Variants in RYR2 observed in about 807,000 individuals in gnomAD.
RYR2 encodes the protein cardiac muscle ryanodine receptor-calcium release channel.
A neutral mutation model predicts 601.1 loss-of-function variants in RYR2; 227 were observed. The observed-to-expected ratio is 0.38, with a 90% confidence interval of 0.34 to 0.42. The LOEUF (loss-of-function observed/expected upper bound fraction) is 0.42, where lower values mean the gene tolerates loss of function less well. Among genes scored for constraint, RYR2 ranks in the 10% least tolerant of loss-of-function variants. RYR2 has a pLI of 1.00. For synonymous variants in RYR2, 2,223 were observed against 2,175.1 expected (o/e 1.02, Z -0.61); for missense variants, 4,646 against 6,156.5 (o/e 0.75, Z 8.21).
Position 237,358,488 on chromosome 1 carries a change from C to G in RYR2, c.294+2503C>G, listed in dbSNP as rs140877117. On this transcript the variant is annotated intron_variant, in intron 4 of 104. Coordinates refer to ENST00000366574, the MANE Select transcript of RYR2 (RefSeq NM_001035.3). ...CACTGGGCTTGCCAGGTTTCTAATG[C>G]TGACTTTCTCTGTGGGCGCTTGGCA... Among the ~76,000 whole-genome samples, 230 of 152,078 alleles carry G rather than the reference C, an allele frequency of 1.5e-3. 3 individuals are homozygous for G. The highest frequency in any genetic ancestry group is 5.3e-3 in the African/African-American group (219 of 41,492).
Position 237,651,434 on chromosome 1 carries a change from A to G in RYR2, c.7757A>G (p.Gln2586Arg). The G allele has an allele frequency of 6.3e-7, 1 of 1,596,712 alleles. No homozygotes were observed. The highest frequency in any genetic ancestry group is 8.5e-7 in the Non-Finnish European group (1 of 1,170,662). ...AGACAACTGAGACCTTCTATGATGC[A>G]GCACTTACTCAGAAGATTAGTATTT... is the stretch of plus-strand genomic sequence containing the variant. ...ICGQLRPSMM[Q>R]HLLRRLVFDV... Residue 2586 changes from glutamine to arginine, a missense_variant, in exon 51 of 105, where the codon CAG becomes CGG. This residue lies in a region of RYR2 where 1,497 missense variants were observed against 1,842.6 expected (regional missense o/e 0.81). Transcript: ENST00000366574.
intron 1 of RYR2, among the ~76,000 whole-genome samples, chr1:237,171,516 A>G (rs893142728): frequency 1.3e-5 from 2 of 152,162 alleles, no homozygotes; most frequent in African/African-American, 4.8e-5. Context: ...TCACTTCTGT[A>G]TACTCATTTC....
chr1:237,747,217 C>A, intron 80 of RYR2, among the ~76,000 whole-genome samples: 1 of 152,190 alleles, frequency 6.6e-6, no homozygotes, highest in East Asian at 1.9e-4. Context: ...AAATACTGGG[C>A]AAGCTGCATC....
In RYR2 at chr1:237,226,054, CA is replaced by C. The variant is rs59114136; in HGVS notation, c.49-44428del. 5.8e-3 allele frequency among the ~76,000 whole-genome samples: 669 copies of C among 116,342 alleles called. 4 individuals are homozygous for C. The highest frequency in any genetic ancestry group is 0.012 in the African/African-American group (389 of 32,250). 76.3% of individuals were successfully genotyped at this position (116,342 alleles called of 152,430 possible). Reference sequence around the variant, plus strand: ...TGGGTGACAGAATGAGACTCCATCTCAAAAAAAAAAAAAAATTAAAGGTGTC... The same window carrying C: ...TGGGTGACAGAATGAGACTCCATCTCAAAAAAAAAAAAAATTAAAGGTGTC... On this transcript the variant is annotated intron_variant, in intron 1 of 104. Coordinates refer to ENST00000366574, the MANE Select transcript of RYR2 (RefSeq NM_001035.3).
At chr1:237,246,792 A>G (rs1478077209) in intron 1 of RYR2, among the ~76,000 whole-genome samples, 1 of 151,912 alleles carries the variant, frequency 6.6e-6, no homozygotes, top group Non-Finnish European at 1.5e-5. Flanking sequence ...TTTGATTGGA[A>G]TTTTGCTCAG....
intron 1 of RYR2, among the ~76,000 whole-genome samples, chr1:237,051,275 C>T (rs1661237595): frequency 9.7e-6 from 1 of 102,660 alleles, no homozygotes; most frequent in Non-Finnish European, 2.0e-5. Flanking sequence ...CCTACCCTCT[C>T]CTCCCCTTCT....
At chr1:237,612,339 A>G (rs1271756079) in intron 36 of RYR2, among the ~76,000 whole-genome samples, 1 of 152,170 alleles carries the variant, frequency 6.6e-6, no homozygotes, top group Non-Finnish European at 1.5e-5. Context: ...AGTGTTCTAA[A>G]CTCAACTTAT....
At chr1:237,578,542 C>T (rs897566363) in intron 29 of RYR2, among the ~76,000 whole-genome samples, 2 of 152,234 alleles carry the variant, frequency 1.3e-5, no homozygotes, top group Non-Finnish European at 2.9e-5. Context: ...TCCCTTCCAT[C>T]TTCTAACATA....
rs1392648216 is a variant in RYR2, at chr1:237,610,419, G to A, written c.4684-343G>A. On this transcript the variant is annotated intron_variant, in intron 35 of 104. Coordinates refer to ENST00000366574, the MANE Select transcript of RYR2 (RefSeq NM_001035.3). This position sits in a 1 kb window ranked among gnomAD's most constrained non-coding sequence, Gnocchi z 4.9. ...AAGTTTGGCACTGAAAGTCCCTAAA[G>A]ACTTGCCAGCTTTCCCGGAGGTCCC... Among the ~76,000 whole-genome samples the A allele has an allele frequency of 6.6e-6, 1 of 152,166 alleles. No individual in the cohort carries two copies. The highest frequency in any genetic ancestry group is 1.5e-5 in the Non-Finnish European group (1 of 68,040).
chr1:237,634,862 A>G (rs772636067), intron 43 of RYR2, 27 bp from the exon 44 acceptor site: 1 of 1,543,150 alleles, frequency 6.5e-7, no homozygotes, highest in Non-Finnish European at 8.9e-7. Context: ...GATCCAGGTT[A>G]TATTTCATCT....
intron 46 of RYR2, among the ~76,000 whole-genome samples, chr1:237,640,519 C>T (rs1019193151): frequency 1.3e-5 from 2 of 152,310 alleles, no homozygotes; most frequent in African/African-American, 4.8e-5. Flanking sequence ...CTTTGTCACC[C>T]TTTCTCTACA....
At chr1:237,810,490 G>GA (rs1445179169) in intron 100 of RYR2, among the ~76,000 whole-genome samples, 2 of 152,184 alleles carry the variant, frequency 1.3e-5, no homozygotes, top group Non-Finnish European at 2.9e-5. Flanking sequence ...GAATTGATGG[G>GA]AAAAATCAGC....
chr1:237,543,628 A>G (rs1304486792), intron 25 of RYR2, among the ~76,000 whole-genome samples: 1 of 152,212 alleles, frequency 6.6e-6, no homozygotes. Flanking sequence ...TATTTACTGT[A>G]CATCTTTCAC....
chr1:237,104,860 C>T (rs988781929), intron 1 of RYR2, among the ~76,000 whole-genome samples: 4 of 152,210 alleles, frequency 2.6e-5, no homozygotes, highest in African/African-American at 9.6e-5. Flanking sequence ...TGTTGACTAT[C>T]GTGCAGTGGA....
At chr1:237,215,598 A>C (rs1417244985) in intron 1 of RYR2, among the ~76,000 whole-genome samples, 1 of 152,184 alleles carries the variant, frequency 6.6e-6, no homozygotes, top group Non-Finnish European at 1.5e-5. Context: ...TTTCATATAC[A>C]AATAAAGAGA....
At chr1:237,100,112 A>T (rs1481658734) in intron 1 of RYR2, among the ~76,000 whole-genome samples, 1 of 152,144 alleles carries the variant, frequency 6.6e-6, no homozygotes, top group South Asian at 2.1e-4. Context: ...TTAGGTCTCT[A>T]TTGGGACAAG....
At chr1:237,257,039 G>T (rs144631886) in intron 1 of RYR2, among the ~76,000 whole-genome samples, 1 of 152,152 alleles carries the variant, frequency 6.6e-6, no homozygotes, top group African/African-American at 2.4e-5. Context: ...TATTCAGGGT[G>T]CATACGATAA....
At chr1:237,045,747 A>G (rs1660491429) in intron 1 of RYR2, among the ~76,000 whole-genome samples, 1 of 151,072 alleles carries the variant, frequency 6.6e-6, no homozygotes, top group East Asian at 1.9e-4. Context: ...TGGCATTTAA[A>G]AACACGCATC....
intron 2 of RYR2, among the ~76,000 whole-genome samples, chr1:237,278,217 C>A (rs1690483536): frequency 6.8e-6 from 1 of 147,924 alleles, no homozygotes; most frequent in African/African-American, 2.5e-5. Flanking sequence ...ACTACAGGCA[C>A]ACACTACTAT....
Sources: allele counts gnomAD v4.1 joint callset (sites outside exome capture counted in the v4.1 genomes callset), GRCh38; gene constraint gnomAD v4.1.1; regional missense constraint gnomAD v4.1.1; non-coding constraint Gnocchi (gnomAD v3.1); transcripts MANE v1.5; gene names NCBI Gene and HGNC (gene_info 2026-07-23, HGNC 2026-07-21).